Variants in SEMA3A observed in about 807,000 individuals in gnomAD.
SEMA3A encodes the protein semaphorin 3A, also known as semaphorin-3A.
SEMA3A carries 29 observed loss-of-function variants against 97.9 expected under a neutral mutation model. That is an observed-to-expected ratio of 0.30 (90% confidence interval 0.22 to 0.40). The LOEUF (loss-of-function observed/expected upper bound fraction) is 0.40. SEMA3A is among the 10% of genes least tolerant of loss of function. The pLI, the probability that SEMA3A is intolerant of heterozygous loss-of-function variation, is 1.00. For missense variants in SEMA3A, 763 were observed against 951.3 expected, an observed-to-expected ratio of 0.80 and a Z score of 2.60; for synonymous variants, 321 against 323.7, an observed-to-expected ratio of 0.99 and a Z score of 0.09.
At chr7:84,217,668 C>T (rs1165055617) in intron 3 of SEMA3A, among the ~76,000 whole-genome samples, 1 of 151,938 alleles carries the variant, frequency 6.6e-6, no homozygotes, top group African/African-American at 2.4e-5. Flanking sequence ...TTTCTCAGAT[C>T]TCTTGAGGCA....
intron 6 of SEMA3A, 141 bp from the exon 7 acceptor site, chr7:84,014,492 A>G: frequency 9.0e-6 from 6 of 665,068 alleles, no homozygotes; most frequent in African/African-American, 5.6e-5. Context: ...TTGTAGGTAC[A>G]TATTAATTGT....
chr7:84,344,379 C>A (rs1337379898), intron 2 of SEMA3A, among the ~76,000 whole-genome samples: 1 of 152,130 alleles, frequency 6.6e-6, no homozygotes, highest in Non-Finnish European at 1.5e-5. Flanking sequence ...CAGAGAAGAG[C>A]AATTAATAAG....
At chr7:84,271,571 C>T (rs1020694390) in intron 3 of SEMA3A, among the ~76,000 whole-genome samples, 1 of 152,124 alleles carries the variant, frequency 6.6e-6, no homozygotes, top group Non-Finnish European at 1.5e-5. Flanking sequence ...GCCATGTTAT[C>T]TGGTTTCTGA....
intron 3 of SEMA3A, among the ~76,000 whole-genome samples, chr7:84,240,522 C>T (rs28521462): frequency 0.049 from 7,384 of 152,036 alleles, 169 homozygotes; most frequent in Middle Eastern, 0.068. Context: ...GAAAGGGCCA[C>T]GAGAGAGGGA....
chr7:84,119,702 T>A (rs1795543784), intron 3 of SEMA3A, among the ~76,000 whole-genome samples: 1 of 152,110 alleles, frequency 6.6e-6, no homozygotes. Flanking sequence ...GAAATCCACT[T>A]ATGAAGATTA....
intron 1 of SEMA3A, among the ~76,000 whole-genome samples, chr7:84,403,381 G>A (rs1356092157): frequency 6.6e-6 from 1 of 152,236 alleles, no homozygotes; most frequent in African/African-American, 2.4e-5. Flanking sequence ...GCTTGAGTAG[G>A]TAAACAAAGC....
chr7:84,019,152 T>TA (rs1444788274), intron 6 of SEMA3A, among the ~76,000 whole-genome samples: 16 of 151,728 alleles, frequency 1.1e-4, no homozygotes, highest in Admixed American at 7.9e-4. Flanking sequence ...AGAAAAATCA[T>TA]AAAAAAGAAA....
chr7:84,351,084 C>A (rs1802427360), intron 2 of SEMA3A, among the ~76,000 whole-genome samples: 1 of 151,946 alleles, frequency 6.6e-6, no homozygotes, highest in South Asian at 2.1e-4. Flanking sequence ...CACACACACA[C>A]ACACACACAC....
At chr7:84,048,433 A>T (rs1792450554) in intron 5 of SEMA3A, among the ~76,000 whole-genome samples, 3 of 152,080 alleles carry the variant, frequency 2.0e-5, no homozygotes, top group Admixed American at 6.6e-5. Flanking sequence ...GTAATATCTA[A>T]TTTTTTCCCA....
intron 3 of SEMA3A, among the ~76,000 whole-genome samples, chr7:84,302,910 T>C (rs1390710592): frequency 6.6e-6 from 1 of 152,154 alleles, no homozygotes; most frequent in Admixed American, 6.6e-5. Context: ...AAGTTCCTTC[T>C]GGCTCAGAAA....
intron 1 of SEMA3A, among the ~76,000 whole-genome samples, chr7:84,451,751 G>C (rs924960799): frequency 6.6e-6 from 1 of 152,124 alleles, no homozygotes; most frequent in Non-Finnish European, 1.5e-5. Context: ...TCAGTTTTAT[G>C]TTGAGTTCAT....
intron 1 of SEMA3A, among the ~76,000 whole-genome samples, chr7:84,425,229 A>T (rs1804768339): frequency 8.4e-6 from 1 of 119,434 alleles, no homozygotes. Flanking sequence ...ACATATGAAT[A>T]TATATTGATA....
chr7:84,492,387 G>C (rs1159858449), intron 1 of SEMA3A: 1 of 152,114 alleles, frequency 6.6e-6, no homozygotes, highest in Non-Finnish European at 1.5e-5. Context: ...ACAGTCTTTA[G>C]AGGATTCCCT....
chr7:84,312,180 C>A (rs1368482614), intron 2 of SEMA3A, among the ~76,000 whole-genome samples: 1 of 151,864 alleles, frequency 6.6e-6, no homozygotes, highest in Non-Finnish European at 1.5e-5. Context: ...AAACCTGAAA[C>A]TCAAAATTTT....
intron 1 of SEMA3A, among the ~76,000 whole-genome samples, chr7:84,448,549 CATGTACAATAGCATCAAAA>C (rs1805483569): frequency 6.6e-6 from 1 of 151,818 alleles, no homozygotes; most frequent in Non-Finnish European, 1.5e-5. Context: ...AAAGCAATTT[CATGTACAATAGCATCAAAA>C]ACAAAAACAA....
intron 2 of SEMA3A, among the ~76,000 whole-genome samples, chr7:84,322,793 T>C (rs1584238766): frequency 2.6e-5 from 4 of 152,214 alleles, no homozygotes; most frequent in African/African-American, 4.8e-5. Context: ...AAAATAGTAT[T>C]TGAGGATTTA....
At chr7:84,388,632 T>A (rs151142592) in intron 1 of SEMA3A, among the ~76,000 whole-genome samples, 1 of 152,076 alleles carries the variant, frequency 6.6e-6, no homozygotes, top group Non-Finnish European at 1.5e-5. Flanking sequence ...GGAAAACTGA[T>A]TATACTTTTT....
intron 1 of SEMA3A, among the ~76,000 whole-genome samples, chr7:84,423,899 A>G (rs183566581): frequency 1.1e-4 from 16 of 152,138 alleles, no homozygotes; most frequent in Non-Finnish European, 2.4e-4. Context: ...AAAATATTCA[A>G]CATCACTAAT....
intron 15 of SEMA3A, among the ~76,000 whole-genome samples, chr7:83,964,793 A>C (rs1788604537): frequency 6.6e-6 from 1 of 152,210 alleles, no homozygotes; most frequent in Non-Finnish European, 1.5e-5. Flanking sequence ...TCCAAGTCAC[A>C]TTTAAAAAAA....
Sources: allele counts gnomAD v4.1 joint callset (sites outside exome capture counted in the v4.1 genomes callset), GRCh38; gene constraint gnomAD v4.1.1; transcripts MANE v1.5; gene names NCBI Gene and HGNC (gene_info 2026-07-23, HGNC 2026-07-21).